NAALADL2: variants seen among roughly 807,000 people sequenced by gnomAD.
The protein encoded by NAALADL2 is N-acetylated alpha-linked acidic dipeptidase like 2.
A neutral mutation model predicts 87.2 loss-of-function variants in NAALADL2; 76 were observed. The observed-to-expected ratio is 0.87, with a 90% CI of 0.72 to 1.05. The LOEUF is 1.05. Among genes scored for constraint, NAALADL2 ranks in the 50% least tolerant of loss-of-function variants. The pLI is 0.00. For missense variants in NAALADL2, 1,089 were observed against 945.8 expected, an observed-to-expected ratio of 1.15 and a Z score of -1.99; for synonymous variants, 354 against 331.0, an observed-to-expected ratio of 1.07 and a Z score of -0.75.
intron 2 of NAALADL2, among the ~76,000 whole-genome samples, chr3:174,706,435 C>T (rs1254293390): frequency 6.6e-6 from 1 of 152,130 alleles, no homozygotes. Context: ...GCACAAACAA[C>T]AAAAGAAAGA....
intron 2 of NAALADL2, among the ~76,000 whole-genome samples, chr3:174,728,566 C>T (rs915795842): frequency 3.9e-5 from 6 of 152,030 alleles, no homozygotes; most frequent in Admixed American, 3.3e-4. Flanking sequence ...CAGATAGTCT[C>T]TCACCAGTGT....
chr3:175,793,229 A>G (rs948944548), intron 13 of NAALADL2, among the ~76,000 whole-genome samples: 2 of 152,144 alleles, frequency 1.3e-5, no homozygotes, highest in Non-Finnish European at 2.9e-5. Flanking sequence ...TAGACTTTGT[A>G]CTACGTGACA....
At chr3:175,267,639 T>C (rs542875945) in intron 4 of NAALADL2, among the ~76,000 whole-genome samples, 71 of 152,210 alleles carry the variant, frequency 4.7e-4, no homozygotes, top group African/African-American at 1.7e-3. Context: ...TCTGGGGTGA[T>C]GGGAGTGGGG....
chr3:175,575,976 A>G, intron 9 of NAALADL2, 65 bp from the exon 10 acceptor site: 1 of 1,331,468 alleles, frequency 7.5e-7, no homozygotes, highest in Non-Finnish European at 1.0e-6. Context: ...TGTTTTGAGT[A>G]GCACTGATCT....
intron 2 of NAALADL2, among the ~76,000 whole-genome samples, chr3:175,124,077 T>C (rs1446534382): frequency 6.6e-6 from 1 of 151,990 alleles, no homozygotes; most frequent in Non-Finnish European, 1.5e-5. Context: ...TTTGTGTCTA[T>C]GTGGTTAAGT....
intron 1 of NAALADL2, among the ~76,000 whole-genome samples, chr3:174,940,668 A>C (rs374014315): frequency 8.8e-4 from 134 of 152,086 alleles, no homozygotes; most frequent in African/African-American, 3.1e-3. Context: ...TTGGTAGGCT[A>C]TTTATTACTG....
chr3:175,463,667 T>C (rs1470163215), intron 7 of NAALADL2, among the ~76,000 whole-genome samples, 174 bp downstream of exon 7: 1 of 146,254 alleles, frequency 6.8e-6, no homozygotes, highest in Non-Finnish European at 1.5e-5. Context: ...TTCTCTTTCC[T>C]ACCGTATCTC....
At chr3:175,788,559 T>A (rs1752393322) in intron 13 of NAALADL2, among the ~76,000 whole-genome samples, 1 of 152,226 alleles carries the variant, frequency 6.6e-6, no homozygotes, top group Admixed American at 6.5e-5. Flanking sequence ...CCATGAAGCC[T>A]AGGTGTGTAG....
chr3:175,476,761 T>A (rs1483828416), intron 9 of NAALADL2, among the ~76,000 whole-genome samples: 1 of 151,776 alleles, frequency 6.6e-6, no homozygotes, highest in African/African-American at 2.4e-5. Context: ...TGTATTGTTT[T>A]ACCTTCTGAC....
intron 2 of NAALADL2, among the ~76,000 whole-genome samples, chr3:174,611,651 G>A (rs929963761): frequency 1.4e-4 from 22 of 152,234 alleles, no homozygotes; most frequent in African/African-American, 5.1e-4. Context: ...GAGAGCAGTG[G>A]TGTGATCTCG....
In NAALADL2 at chr3:174,702,916, G is replaced by A. The variant is rs147653596; in HGVS notation, c.-114-34725G>A. Among the ~76,000 whole-genome samples, 27 of 152,286 alleles carry A rather than the reference G, an allele frequency of 1.8e-4. No homozygotes were observed. In the East Asian group the frequency reaches 5.2e-3, roughly 29 times the overall value. On this transcript the variant is annotated intron_variant, in intron 2 of 3. Transcript: ENST00000434257. The stretch of plus-strand genomic sequence containing the variant: ...CTTCCTATAAGGGAAAAGATTAAGA[G>A]ATGATGCTATGCTACATAAGATTCT...
chr3:175,683,960 T>C (rs1158132687), intron 11 of NAALADL2, among the ~76,000 whole-genome samples: 1 of 152,010 alleles, frequency 6.6e-6, no homozygotes, highest in Admixed American at 6.6e-5. Flanking sequence ...CTGGGTAATA[T>C]CATAGGACTA....
chr3:175,646,569 G>A (rs1274002921), intron 11 of NAALADL2, among the ~76,000 whole-genome samples: 2 of 151,908 alleles, frequency 1.3e-5, no homozygotes, highest in African/African-American at 4.8e-5. Flanking sequence ...TTTACCTTTG[G>A]GATTTATGGT....
chr3:174,606,065 G>A (rs1367701207), intron 2 of NAALADL2, among the ~76,000 whole-genome samples: 1 of 152,208 alleles, frequency 6.6e-6, no homozygotes, highest in Non-Finnish European at 1.5e-5. Context: ...AACAGGGTCT[G>A]GAGTGGACCT....
At chr3:175,701,125 A>G (rs1443315400) in intron 11 of NAALADL2, among the ~76,000 whole-genome samples, 2 of 152,144 alleles carry the variant, frequency 1.3e-5, no homozygotes, top group African/African-American at 2.4e-5. Flanking sequence ...AGAAACGTGC[A>G]TTAGGTTTAC....
Position 174,885,882 on chromosome 3 carries a change from T to G in NAALADL2, c.43+26432T>G, listed in dbSNP as rs1052561852. 1.5e-3 allele frequency among the ~76,000 whole-genome samples: 11 copies of G among 7,174 alleles called. No homozygotes were observed. The East Asian group carries it at 0.034, about 22-fold the overall frequency. 4.7% of individuals were successfully genotyped at this position (7,174 alleles called of 152,430 possible). A position where few individuals can be genotyped will look rare whatever the true frequency, so the allele number is the denominator to read the frequency against. On this transcript the variant is annotated intron_variant, in intron 1 of 13. Coordinates refer to ENST00000454872, the MANE Select transcript of NAALADL2 (RefSeq NM_207015.3). ...AGGAGAGCCAGTCCGAGTTGTTTTT[T>G]TTTTTTTTTTTTTTTTTTTTTTTTT...
intron 11 of NAALADL2, among the ~76,000 whole-genome samples, chr3:175,634,755 G>C (rs116096319): frequency 6.6e-6 from 1 of 151,824 alleles, no homozygotes. Flanking sequence ...CAAGTTTAAG[G>C]ATATTCTAAT....
intron 11 of NAALADL2, among the ~76,000 whole-genome samples, chr3:175,671,980 A>C (rs1180693441): frequency 6.6e-6 from 1 of 152,102 alleles, no homozygotes; most frequent in Non-Finnish European, 1.5e-5. Flanking sequence ...TTCTAAGGCA[A>C]TATCGAACAG....
intron 1 of NAALADL2, among the ~76,000 whole-genome samples, chr3:174,505,193 C>T (rs960429776): frequency 1.3e-5 from 2 of 152,120 alleles, no homozygotes; most frequent in East Asian, 1.9e-4. Context: ...AAATTCTTCA[C>T]CACTATCTCC....
Sources: gnomAD v4.1 joint callset for allele counts (sites outside exome capture counted in the v4.1 genomes callset) on GRCh38, gnomAD v4.1.1 for gene constraint, MANE v1.5 for transcripts, NCBI Gene and HGNC (gene_info 2026-07-23, HGNC 2026-07-21) for gene names.